The following ATAD2 variants were observed in gnomAD, a reference collection of about 807,000 sequenced individuals.
The protein encoded by ATAD2 is ATPase family AAA domain-containing protein 2.
ATAD2 carries 62 observed loss-of-function variants against 168.9 expected under a neutral mutation model. The observed-to-expected ratio is 0.37, with a 90% CI of 0.30 to 0.45. The LOEUF is 0.45. ATAD2 is among the 20% of genes least tolerant of loss of function. The pLI, the probability that ATAD2 is intolerant of heterozygous loss-of-function variation, is 1.00. For missense variants in ATAD2, 1,419 were observed against 1,667.8 expected (o/e 0.85, Z 2.60); for synonymous variants, 613 against 571.6 (o/e 1.07, Z -1.03).
chr8:123,359,530 C>CTAT (rs1433071861), intron 10 of ATAD2, 47 bp downstream of exon 10: 1 of 1,501,020 alleles, frequency 6.7e-7, no homozygotes, highest in Non-Finnish European at 9.1e-7. Context: ...AAAACTAAAA[C>CTAT]AAAGCACATT....
chr8:123,367,276 GCA>G (rs1829008887), intron 8 of ATAD2, among the ~76,000 whole-genome samples: 1 of 152,164 alleles, frequency 6.6e-6, no homozygotes, highest in Non-Finnish European at 1.5e-5. Context: ...AATTAGCGGG[GCA>G]TGGTGGCAGA....
intron 2 of ATAD2, among the ~76,000 whole-genome samples, chr8:123,379,625 C>T (rs141015995): frequency 1.3e-5 from 2 of 150,588 alleles, no homozygotes; most frequent in South Asian, 2.1e-4. Context: ...TACAGTGGCA[C>T]GATCTTGCCT....
intron 24 of ATAD2, 108 bp downstream of exon 24, chr8:123,333,770 T>G: frequency 3.3e-6 from 4 of 1,218,106 alleles, no homozygotes; most frequent in Non-Finnish European, 4.4e-6. Context: ...ACAAAATCAA[T>G]GTAATTCACT....
chr8:123,413,352 T>C (rs951002267), intron 1 of ATAD2, among the ~76,000 whole-genome samples: 3 of 152,152 alleles, frequency 2.0e-5, no homozygotes, highest in Non-Finnish European at 4.4e-5. Context: ...AAATCTGTTT[T>C]CATCGCTTTG....
At position 123,336,299 on chromosome 8, in the gene ATAD2, T is replaced by C. The variant is rs567217631; in HGVS notation, c.3211+74A>G. 224 of 1,322,274 alleles carry C rather than the reference T, an allele frequency of 1.7e-4. 1 individual carries two copies. In the South Asian group the frequency reaches 3.1e-3, roughly 18 times the overall value. The allele number at this position is 1,322,274 out of a possible 1,614,324, so 81.9% of individuals were successfully genotyped here. On this transcript the variant is annotated intron_variant, in intron 22 of 27. Coordinates refer to ENST00000287394, the MANE Select transcript of ATAD2 (RefSeq NM_014109.4). ...TTGATTATGTTTATAATATAGCACC[T>C]GACACAAAAATCAACCCTAAGTGTT...
At chr8:123,367,138 G>A (rs1829004689) in intron 8 of ATAD2, among the ~76,000 whole-genome samples, 1 of 152,144 alleles carries the variant, frequency 6.6e-6, no homozygotes, top group African/African-American at 2.4e-5. Flanking sequence ...AACTCGGCCG[G>A]GTGCAGTGGC....
intron 1 of ATAD2, among the ~76,000 whole-genome samples, chr8:123,385,810 CAT>C (rs764009644): frequency 6.6e-6 from 1 of 151,530 alleles, no homozygotes; most frequent in Non-Finnish European, 1.5e-5. Context: ...TACACGCATA[CAT>C]ATATATATCT....
At position 123,334,337 on chromosome 8, in the gene ATAD2, A is replaced by G; in HGVS notation, c.3212-15T>C. The stretch of plus-strand genomic sequence containing the variant: ...AATAAGACGATCTATGAAGTGAGTA[A>G]AAAATGTAATTTTTAATTTCCCCCT... On this transcript the variant is annotated splice_polypyrimidine_tract_variant and intron_variant, in intron 22 of 27. Transcript: ENST00000287394. 6.7e-7 allele frequency: 1 copy of G among 1,485,198 alleles called. No homozygotes were observed. The highest frequency in any genetic ancestry group is 8.9e-7 in the Non-Finnish European group (1 of 1,120,346). 92.0% of individuals were successfully genotyped at this position (1,485,198 alleles called of 1,614,324 possible).
At chr8:123,411,943 G>GT (rs1813165933) in intron 1 of ATAD2, among the ~76,000 whole-genome samples, 1 of 152,110 alleles carries the variant, frequency 6.6e-6, no homozygotes, top group Admixed American at 6.6e-5. Flanking sequence ...AGAATAAACT[G>GT]TATGTTTCCT....
intron 8 of ATAD2, among the ~76,000 whole-genome samples, chr8:123,367,327 G>A (rs983361215): frequency 5.3e-5 from 8 of 152,240 alleles, no homozygotes; most frequent in Non-Finnish European, 1.0e-4. Context: ...TGAGGCAGAA[G>A]AATCGCTTGA....
At chr8:123,368,410 T>C (rs537277979) in intron 8 of ATAD2, among the ~76,000 whole-genome samples, 27 of 152,184 alleles carry the variant, frequency 1.8e-4, no homozygotes, top group African/African-American at 6.0e-4. Context: ...ACAGCAAGAC[T>C]CTGCTCCGCC....
intron 24 of ATAD2, among the ~76,000 whole-genome samples, chr8:123,329,729 G>A (rs10099639): frequency 7.3e-4 from 85 of 117,224 alleles, no homozygotes; most frequent in African/African-American, 2.4e-3. Flanking sequence ...TCTAGCTTGC[G>A]TGACGCAACT....
chr8:123,366,176 A>T (rs1389708260), intron 8 of ATAD2, among the ~76,000 whole-genome samples: 1 of 152,248 alleles, frequency 6.6e-6, no homozygotes, highest in Non-Finnish European at 1.5e-5. Context: ...AATGCTCAAC[A>T]TCACTAATGA....
At chr8:123,363,520 C>T (rs1157540241) in intron 8 of ATAD2, among the ~76,000 whole-genome samples, 2 of 152,272 alleles carry the variant, frequency 1.3e-5, no homozygotes, top group Non-Finnish European at 2.9e-5. Flanking sequence ...AGAAAATAAT[C>T]TTTCACCCAT....
intron 13 of ATAD2, among the ~76,000 whole-genome samples, chr8:123,353,557 G>A (rs757267370): frequency 4.1e-4 from 62 of 151,952 alleles, no homozygotes; most frequent in Admixed American, 4.6e-4. Flanking sequence ...ATTCTGGTAC[G>A]ATTCCAGTAA....
chr8:123,362,904 A>G (rs892957825), intron 8 of ATAD2, among the ~76,000 whole-genome samples: 18 of 152,166 alleles, frequency 1.2e-4, no homozygotes, highest in Admixed American at 1.0e-3. Context: ...CTCAACCCAT[A>G]AGTTTTCTTG....
intron 22 of ATAD2, among the ~76,000 whole-genome samples, chr8:123,335,687 T>C (rs894111040): frequency 6.6e-6 from 1 of 152,170 alleles, no homozygotes; most frequent in African/African-American, 2.4e-5. Flanking sequence ...ATTTTATTTT[T>C]AAAAATTTGT....
intron 9 of ATAD2, among the ~76,000 whole-genome samples, chr8:123,359,932 C>T (rs1180483048): frequency 2.6e-5 from 4 of 151,792 alleles, no homozygotes; most frequent in Admixed American, 2.6e-4. Flanking sequence ...ACCAAGATGC[C>T]ACAGGCACCA....
chr8:123,359,404 TAC>T, intron 10 of ATAD2, 68 bp from the exon 11 acceptor site: 1 of 1,275,530 alleles, frequency 7.8e-7, no homozygotes, highest in Non-Finnish European at 1.1e-6. Flanking sequence ...CCCCACACCA[TAC>T]ACAGTCAATG....
Sources: allele counts gnomAD v4.1 joint callset (sites outside exome capture counted in the v4.1 genomes callset), GRCh38; gene constraint gnomAD v4.1.1; transcripts MANE v1.5; gene names NCBI Gene and HGNC (gene_info 2026-07-23, HGNC 2026-07-21).